The following SHE variants were observed in gnomAD, a reference collection of about 807,000 sequenced individuals.
SHE encodes the protein SH2 domain-containing adapter protein E.
A neutral mutation model predicts 49.8 loss-of-function variants in SHE; 11 were observed. That is an observed-to-expected ratio of 0.22 (90% CI 0.14 to 0.37). The LOEUF is 0.37. Ranked by LOEUF, SHE falls within the 10% of genes least tolerant of loss-of-function variation. The pLI, the probability that SHE is intolerant of heterozygous loss-of-function variation, is 1.00. For synonymous variants in SHE, 310 were observed against 278.1 expected (o/e 1.11, Z -1.14); for missense variants, 624 against 655.5 (o/e 0.95, Z 0.52).
At position 154,483,294 on chromosome 1, in the gene SHE, T is replaced by A. The variant is rs1571044060; in HGVS notation, c.*855A>T. ...CAACAAAATAATCCTTAGGCCACAC[T>A]CTGAAGTTGCGGATTTCCATGAACT... On this transcript the variant is annotated 3_prime_UTR_variant, in exon 6 of 6. Transcript: ENST00000304760. 3 of 985,408 alleles carry A rather than the reference T, an allele frequency of 3.0e-6. No individual in the cohort carries two copies. Among genetic ancestry groups the A allele is most frequent in the Non-Finnish European group, 3.6e-6 (3 of 829,928 alleles). The allele number at this position is 985,408 out of a possible 1,614,324, so 61.0% of individuals were successfully genotyped here. A position where few individuals can be genotyped will look rare whatever the true frequency, so the allele number is the denominator to read the frequency against.
At chr1:154,494,578 A>C (rs2149296808) in intron 2 of SHE, among the ~76,000 whole-genome samples, 1 of 147,646 alleles carries the variant, frequency 6.8e-6, no homozygotes, top group Middle Eastern at 3.5e-3. Context: ...TCTCTTTTAG[A>C]TTTGACTATT....
chr1:154,478,465 C>T (rs1455381661), downstream of SHE, among the ~76,000 whole-genome samples: 8 of 147,916 alleles, frequency 5.4e-5, no homozygotes, highest in Non-Finnish European at 1.2e-4. Context: ...AGAGTGAGAC[C>T]TGGGCCGCAA....
In SHE at chr1:154,481,053, C is replaced by T. The variant is rs968578008; in HGVS notation, c.*3096G>A. 52 of 985,258 alleles carry T rather than the reference C, an allele frequency of 5.3e-5. 1 individual carries two copies. The African/African-American group carries it at 8.9e-4, about 17-fold the overall frequency. 61.0% of individuals were successfully genotyped at this position (985,258 alleles called of 1,614,324 possible). ...GAATAACTCGAAGGAATGAGGACTA[C>T]AGGAAAATACTTGTCTCAAGACAAA... On this transcript the variant is annotated 3_prime_UTR_variant, in exon 6 of 6. Coordinates refer to ENST00000304760, the MANE Select transcript of SHE (RefSeq NM_001010846.3).
chr1:154,484,285 TTG>T lies in SHE; in HGVS notation c.1350_1351del (p.Asn450LysfsTer12). 1 of 1,614,210 alleles carries T rather than the reference TTG, an allele frequency of 6.2e-7. No homozygotes were observed. The highest frequency in any genetic ancestry group is 8.5e-7 in the Non-Finnish European group (1 of 1,180,026). On this transcript the variant is annotated frameshift_variant, in exon 6 of 6. Transcript: ENST00000304760. LOFTEE classifies it high-confidence loss of function. ...AGCGCTTGTCTGATTCAGTGTGTAT[TTG>T]TTGTCTTTGGTCTGAGCCACTATGA...
chr1:154,490,147 A>G (rs1290402881), intron 2 of SHE, among the ~76,000 whole-genome samples: 3 of 152,264 alleles, frequency 2.0e-5, no homozygotes, highest in South Asian at 2.1e-4. Flanking sequence ...CTTGACTCCT[A>G]TGCAGTTTCA....
chr1:154,497,030 C>CT (rs1043862145), intron 2 of SHE, among the ~76,000 whole-genome samples: 3 of 152,022 alleles, frequency 2.0e-5, no homozygotes, highest in Non-Finnish European at 4.4e-5. Context: ...TTTTAAAACT[C>CT]TGACAGTTCA....
In SHE at chr1:154,482,030, T is replaced by TTTTTTC. The variant is rs1692032924; in HGVS notation, c.*2118_*2119insGAAAAA. On this transcript the variant is annotated 3_prime_UTR_variant, in exon 6 of 6. Transcript: ENST00000304760. ...CCAGGCTTTTTTTTTTTTTTTTTTT[T>TTTTTTC]GAGATGGAGTTTCGCTCTTGTCACC... The TTTTTTC allele has an allele frequency of 6.3e-6, 1 of 157,638 alleles. No individual in the cohort carries two copies. The highest frequency in any genetic ancestry group is 2.5e-5 in the African/African-American group (1 of 40,508). 9.8% of individuals were successfully genotyped at this position (157,638 alleles called of 1,614,324 possible).
Position 154,484,070 on chromosome 1 carries a change from C to T in SHE, c.*79G>A, listed in dbSNP as rs1466944147. ...ATTTTCTAGCAGTTGCTAGTCCAGC[C>T]TTGTCCTCTGAGATGCTGGTTGTGC... On this transcript the variant is annotated 3_prime_UTR_variant, in exon 6 of 6. Transcript: ENST00000304760. 1 of 1,534,702 alleles carries T rather than the reference C, an allele frequency of 6.5e-7. No individual in the cohort carries two copies. Among genetic ancestry groups the T allele is most frequent in the East Asian group, 2.3e-5 (1 of 43,560 alleles).
intron 1 of SHE, among the ~76,000 whole-genome samples, chr1:154,473,470 G>GT (rs1691802068): frequency 6.6e-6 from 1 of 151,636 alleles, no homozygotes; most frequent in African/African-American, 2.4e-5. Flanking sequence ...TTGAGACGCT[G>GT]TGTGTTGGGG....
At chr1:154,499,637 T>G (rs1692647554) in intron 1 of SHE, among the ~76,000 whole-genome samples, 1 of 152,100 alleles carries the variant, frequency 6.6e-6, no homozygotes. Flanking sequence ...TCCAATCAGC[T>G]GAGCAGTACA....
intron 1 of SHE, 44 bp downstream of exon 1, chr1:154,501,391 CT>C: frequency 1.3e-6 from 2 of 1,585,814 alleles, no homozygotes; most frequent in Non-Finnish European, 1.7e-6. Flanking sequence ...GCGCCCAGGG[CT>C]CCCCTTCGAC....
At chr1:154,471,491 C>T (rs1157043899) in intron 1 of SHE, among the ~76,000 whole-genome samples, 2 of 152,076 alleles carry the variant, frequency 1.3e-5, no homozygotes, top group Non-Finnish European at 2.9e-5. Flanking sequence ...GGGAGGATTG[C>T]TTGAGCCCAG....
downstream of SHE, among the ~76,000 whole-genome samples, chr1:154,474,781 C>T (rs1327514273): frequency 6.6e-6 from 1 of 152,300 alleles, no homozygotes; most frequent in African/African-American, 2.4e-5. Context: ...CTATTACAGG[C>T]GTGAGCCACC....
At chr1:154,470,480 G>T in intron 1 of SHE, 1 of 1,007,606 alleles carries the variant, frequency 9.9e-7, no homozygotes, top group Non-Finnish European at 1.4e-6. Context: ...GAATTACAGG[G>T]CAGGGGCAGG....
chr1:154,480,739 A>G lies in SHE; in HGVS notation c.*3410T>C, dbSNP rs1209875709. On this transcript the variant is annotated 3_prime_UTR_variant, in exon 6 of 6. Coordinates refer to ENST00000304760, the MANE Select transcript of SHE (RefSeq NM_001010846.3). Reference sequence around the variant, plus strand: ...TATCAATATTTACCTTTTTGTATACATATTAACACTTCTCCATTATTTTAT... The same window carrying G: ...TATCAATATTTACCTTTTTGTATACGTATTAACACTTCTCCATTATTTTAT... 2 of 985,310 alleles carry G rather than the reference A, an allele frequency of 2.0e-6. No homozygotes were observed. The highest frequency in any genetic ancestry group is 6.1e-5 in the Admixed American group (1 of 16,268). The allele number at this position is 985,310 out of a possible 1,614,324, so 61.0% of individuals were successfully genotyped here.
chr1:154,499,560 T>G (rs1329569506), intron 1 of SHE, among the ~76,000 whole-genome samples: 2 of 152,134 alleles, frequency 1.3e-5, no homozygotes. Context: ...GAAGGCTACC[T>G]GTGGCTTTAG....
At chr1:154,484,433 C>T in intron 5 of SHE, 98 bp from the exon 6 acceptor site, 1 of 979,090 alleles carries the variant, frequency 1.0e-6, no homozygotes, top group Non-Finnish European at 1.5e-6. Context: ...TTGATAGGTT[C>T]TCATCCATCC....
At chr1:154,486,113 A>G in intron 4 of SHE, 51 bp from the exon 5 acceptor site, 1 of 1,593,068 alleles carries the variant, frequency 6.3e-7, no homozygotes, top group South Asian at 1.1e-5. Flanking sequence ...TCAAAATACA[A>G]ATCCAGACTG....
At position 154,481,118 on chromosome 1, in the gene SHE, TCA is replaced by T. The variant is rs1412728732; in HGVS notation, c.*3029_*3030del. On this transcript the variant is annotated 3_prime_UTR_variant, in exon 6 of 6. Coordinates refer to ENST00000304760, the MANE Select transcript of SHE (RefSeq NM_001010846.3). The stretch of plus-strand genomic sequence containing the variant: ...GAGCATTCAGAGCTCAGAGAACATG[TCA>T]CAGAGCTTCAGATCAGCTGGCCATG... 1.5e-5 allele frequency: 15 copies of T among 985,302 alleles called. No individual in the cohort carries two copies. The highest frequency in any genetic ancestry group is 1.7e-5 in the Non-Finnish European group (14 of 829,938). The allele number at this position is 985,302 out of a possible 1,614,324, so 61.0% of individuals were successfully genotyped here.
Sources: gnomAD v4.1 joint callset for allele counts (sites outside exome capture counted in the v4.1 genomes callset) on GRCh38, gnomAD v4.1.1 for gene constraint, MANE v1.5 for transcripts, NCBI Gene and HGNC (gene_info 2026-07-23, HGNC 2026-07-21) for gene names.